The following ATXN7L1 variants were observed in gnomAD, a reference collection of about 807,000 sequenced individuals.
ATXN7L1 encodes ataxin-7-like protein 1.
ATXN7L1 carries 15 observed loss-of-function variants against 70.8 expected under a neutral mutation model. The ratio of observed to expected loss-of-function variants is 0.21; its 90% confidence interval spans 0.14 to 0.33. The LOEUF (loss-of-function observed/expected upper bound fraction) is 0.33. ATXN7L1 is among the 10% of genes least tolerant of loss of function. ATXN7L1 has a pLI of 1.00. For missense variants in ATXN7L1, 975 were observed against 1,097.1 expected, an observed-to-expected ratio of 0.89 and a Z score of 1.57; for synonymous variants, 440 against 445.1, an observed-to-expected ratio of 0.99 and a Z score of 0.14.
intron 3 of ATXN7L1, among the ~76,000 whole-genome samples, chr7:105,749,374 C>T (rs1211029362): frequency 6.6e-6 from 1 of 151,788 alleles, no homozygotes; most frequent in African/African-American, 2.4e-5. Context: ...ATCTTTAGTC[C>T]TTAACCAATG....
intron 3 of ATXN7L1, among the ~76,000 whole-genome samples, chr7:105,712,415 T>C (rs932132280): frequency 4.6e-5 from 7 of 152,238 alleles, no homozygotes; most frequent in Non-Finnish European, 1.0e-4. Flanking sequence ...CTGCAAATTT[T>C]CCAAACTTTT....
intron 3 of ATXN7L1, among the ~76,000 whole-genome samples, chr7:105,665,691 G>GGCAGGACTCTTAA (rs1802503186): frequency 6.6e-6 from 1 of 152,162 alleles, no homozygotes; most frequent in Non-Finnish European, 1.5e-5. Context: ...CAGTGGACAG[G>GGCAGGACTCTTAA]GCAGGACTCT....
chr7:105,744,976 G>A (rs1363299369), intron 3 of ATXN7L1, among the ~76,000 whole-genome samples: 1 of 152,010 alleles, frequency 6.6e-6, no homozygotes, highest in Non-Finnish European at 1.5e-5. Context: ...GACCTCAGGT[G>A]ATCCATCTGC....
At chr7:105,694,841 G>A (rs12705321) in intron 3 of ATXN7L1, among the ~76,000 whole-genome samples, 9,789 of 152,224 alleles carry the variant, frequency 0.064, 353 homozygotes, top group South Asian at 0.092. Context: ...AAAGGCCAAT[G>A]GAGTTGTTTG....
intron 3 of ATXN7L1, among the ~76,000 whole-genome samples, chr7:105,787,066 G>C (rs116905783): frequency 1.3e-5 from 2 of 151,514 alleles, no homozygotes; most frequent in Non-Finnish European, 2.9e-5. Flanking sequence ...GGTGGTACCA[G>C]CTGACAGTTT....
chr7:105,799,059 C>G (rs1409608267), intron 2 of ATXN7L1, among the ~76,000 whole-genome samples: 1 of 152,226 alleles, frequency 6.6e-6, no homozygotes, highest in Non-Finnish European at 1.5e-5. Flanking sequence ...CTACCACAGA[C>G]AGAGATGCAC....
At chr7:105,759,163 T>C (rs1403832466) in intron 3 of ATXN7L1, among the ~76,000 whole-genome samples, 1 of 4,134 alleles carries the variant, frequency 2.4e-4, no homozygotes. Context: ...TATTCTTACT[T>C]TTTTTTTTTT....
intron 3 of ATXN7L1, among the ~76,000 whole-genome samples, chr7:105,684,133 G>A (rs1805883078): frequency 6.6e-6 from 1 of 152,174 alleles, no homozygotes; most frequent in Non-Finnish European, 1.5e-5. Context: ...GGCACCTCCC[G>A]AGTTCAGTCC....
intron 2 of ATXN7L1, among the ~76,000 whole-genome samples, chr7:105,867,780 G>T (rs1426037295): frequency 6.6e-6 from 1 of 152,216 alleles, no homozygotes; most frequent in African/African-American, 2.4e-5. Context: ...AGCCTCACCA[G>T]CCAGTGATTC....
chr7:105,657,815 C>T (rs932641138), intron 4 of ATXN7L1, among the ~76,000 whole-genome samples: 4 of 146,266 alleles, frequency 2.7e-5, no homozygotes, highest in Admixed American at 2.1e-4. Flanking sequence ...AATTTAAGAA[C>T]GGATACTTGA....
intron 10 of ATXN7L1, among the ~76,000 whole-genome samples, chr7:105,612,425 T>C (rs1793237708): frequency 6.6e-6 from 1 of 152,194 alleles, no homozygotes; most frequent in Admixed American, 6.5e-5. Flanking sequence ...GGGAGGCTGT[T>C]AGAAATGCAG....
At position 105,605,477 on chromosome 7, in the gene ATXN7L1, G is replaced by GC. The variant is rs746724851; in HGVS notation, c.*2374_*2375insG. 1 of 22,378 alleles carries GC rather than the reference G, an allele frequency of 4.5e-5. No individual in the cohort carries two copies. Among genetic ancestry groups the GC allele is most frequent in the African/African-American group, 2.4e-4 (1 of 4,164 alleles). 1.4% of individuals were successfully genotyped at this position (22,378 alleles called of 1,614,324 possible). ...AAGTAAGCAGCATTCGATGAGGGTG[G>GC]GGGGGGGGGTGGGGGCTCTTTATTC... On this transcript the variant is annotated 3_prime_UTR_variant, in exon 12 of 12. Coordinates refer to ENST00000419735, the MANE Select transcript of ATXN7L1 (RefSeq NM_020725.2).
At chr7:105,833,515 T>C (rs1023576502) in intron 2 of ATXN7L1, among the ~76,000 whole-genome samples, 4 of 152,210 alleles carry the variant, frequency 2.6e-5, no homozygotes, top group African/African-American at 4.8e-5. Flanking sequence ...TTGGAATCCA[T>C]TGCACAGATA....
chr7:105,715,891 T>C (rs11768304), intron 3 of ATXN7L1, among the ~76,000 whole-genome samples: 4,991 of 152,290 alleles, frequency 0.033, 127 homozygotes, highest in Non-Finnish European at 0.055. Context: ...ATGGATACCT[T>C]GGAGGAAGCA....
chr7:105,677,885 A>G, intron 3 of ATXN7L1: 1 of 940,756 alleles, frequency 1.1e-6, no homozygotes, highest in South Asian at 4.9e-5. Flanking sequence ...GGTCTCTTAT[A>G]AGAGAAGGTG....
intron 2 of ATXN7L1, among the ~76,000 whole-genome samples, chr7:105,866,098 C>G (rs2116666848): frequency 6.6e-6 from 1 of 152,286 alleles, no homozygotes; most frequent in Non-Finnish European, 1.5e-5. Flanking sequence ...CCTGTGTCCC[C>G]ACCCCACCCC....
intron 3 of ATXN7L1, among the ~76,000 whole-genome samples, chr7:105,765,152 G>A (rs1801076646): frequency 1.3e-5 from 2 of 152,048 alleles, no homozygotes; most frequent in African/African-American, 4.8e-5. Context: ...TGGCCAACAT[G>A]GTGAAACCCC....
At chr7:105,619,140 GTTTTTTTTTTTTT>G (rs1191774371) in intron 9 of ATXN7L1, among the ~76,000 whole-genome samples, 2 of 49,846 alleles carry the variant, frequency 4.0e-5, no homozygotes, top group Non-Finnish European at 6.6e-5. Flanking sequence ...GAAATCTTTA[GTTTTTTTTTTTTT>G]TTTTTTTTTT....
intron 3 of ATXN7L1, among the ~76,000 whole-genome samples, chr7:105,718,942 G>C (rs1288083213): frequency 6.6e-6 from 1 of 152,194 alleles, no homozygotes; most frequent in Non-Finnish European, 1.5e-5. Context: ...CTAGGCACAG[G>C]AAGACATCAC....
Sources: gnomAD v4.1 joint callset for allele counts (sites outside exome capture counted in the v4.1 genomes callset) on GRCh38, gnomAD v4.1.1 for gene constraint, MANE v1.5 for transcripts, NCBI Gene and HGNC (gene_info 2026-07-23, HGNC 2026-07-21) for gene names.